ATP13A4: variants seen among roughly 807,000 people sequenced by gnomAD.
ATP13A4 encodes probable cation-transporting ATPase 13A4.
ATP13A4 carries 114 observed loss-of-function variants against 142.5 expected under a neutral mutation model. That is an observed-to-expected ratio of 0.80 (90% CI 0.69 to 0.93). The LOEUF (loss-of-function observed/expected upper bound fraction) is 0.93. Among genes scored for constraint, ATP13A4 ranks in the 40% least tolerant of loss-of-function variants. The pLI is 0.00. For missense variants in ATP13A4, 1,392 were observed against 1,454.0 expected, an observed-to-expected ratio of 0.96 and a Z score of 0.69; for synonymous variants, 488 against 514.8, an observed-to-expected ratio of 0.95 and a Z score of 0.70.
chr3:193,433,105 T>C (rs1264241713), intron 25 of ATP13A4, among the ~76,000 whole-genome samples: 1 of 152,206 alleles, frequency 6.6e-6, no homozygotes, highest in African/African-American at 2.4e-5. Flanking sequence ...TTGGTTGAGA[T>C]TTTCCTTTAG....
intron 11 of ATP13A4, 61 bp downstream of exon 11, chr3:193,465,964 C>G: frequency 6.3e-7 from 1 of 1,599,454 alleles, no homozygotes. Flanking sequence ...CCAACATGCA[C>G]AGTACAAAAT....
At chr3:193,564,101 A>G (rs1201617275) in intron 2 of ATP13A4, among the ~76,000 whole-genome samples, 1 of 152,250 alleles carries the variant, frequency 6.6e-6, no homozygotes, top group Non-Finnish European at 1.5e-5. Context: ...TTGCTCGAAG[A>G]GTATCAGCCT....
intron 18 of ATP13A4, among the ~76,000 whole-genome samples, chr3:193,447,578 C>T (rs929809752): frequency 1.1e-4 from 16 of 152,116 alleles, no homozygotes; most frequent in African/African-American, 3.4e-4. Flanking sequence ...TTATTCACCT[C>T]GTCTCTTTCC....
chr3:193,487,889 G>T (rs138276115), intron 7 of ATP13A4, among the ~76,000 whole-genome samples: 1 of 152,242 alleles, frequency 6.6e-6, no homozygotes, highest in East Asian at 1.9e-4. Flanking sequence ...TATCAACATT[G>T]GACTGGTTAA....
chr3:193,418,109 G>A (rs1170444825), intron 25 of ATP13A4, among the ~76,000 whole-genome samples: 53 of 87,238 alleles, frequency 6.1e-4, no homozygotes, highest in Non-Finnish European at 5.4e-4. Context: ...GCGACAGAGC[G>A]AGACTCCGTC....
rs1423658542 is a variant in ATP13A4, at chr3:193,459,212, A to C, written c.1543T>G (p.Phe515Val). 3 of 1,614,262 alleles carry C rather than the reference A, an allele frequency of 1.9e-6. No homozygotes were observed. The African/African-American group carries it at 4.0e-5, about 22-fold the overall frequency. The change falls in exon 14 of 30, where the codon TTT becomes GTT. Residue 515 changes from phenylalanine (F) to valine (V), a missense_variant. Physicochemically the swap from Phe to Val is conservative, Grantham distance 50. Coordinates refer to ENST00000342695, the MANE Select transcript of ATP13A4 (RefSeq NM_032279.4). ...DRNGFQEVHS[F>V]ASGQALPWGP... Reference sequence around the variant, plus strand: ...CATGGCAAAGCCTGGCCTGAGGCAAAGCTGTGAACTTCCTGAAAGCTTAAG... The same window carrying C: ...CATGGCAAAGCCTGGCCTGAGGCAACGCTGTGAACTTCCTGAAAGCTTAAG...
At chr3:193,410,026 T>C (rs1031270103) in intron 28 of ATP13A4, among the ~76,000 whole-genome samples, 1 of 152,230 alleles carries the variant, frequency 6.6e-6, no homozygotes, top group African/African-American at 2.4e-5. Context: ...TCTTCAATAT[T>C]GCATTTCTTG....
At chr3:193,556,657 C>G (rs1245923178), upstream of ATP13A4, among the ~76,000 whole-genome samples, 3 of 151,874 alleles carry the variant, frequency 2.0e-5, no homozygotes, top group Non-Finnish European at 4.4e-5. Context: ...TCTAGAACTA[C>G]TGATGGCTTC....
chr3:193,405,498 C>T (rs1048912269), intron 29 of ATP13A4, among the ~76,000 whole-genome samples: 1 of 152,190 alleles, frequency 6.6e-6, no homozygotes, highest in Non-Finnish European at 1.5e-5. Context: ...TTGCTGTGGC[C>T]TCTCCTTCCA....
chr3:193,574,983 G>T (rs1270980969), intron 2 of ATP13A4, among the ~76,000 whole-genome samples: 2 of 152,146 alleles, frequency 1.3e-5, no homozygotes, highest in Non-Finnish European at 2.9e-5. Context: ...GACATTTAAG[G>T]CTCAGATCTT....
intron 13 of ATP13A4, among the ~76,000 whole-genome samples, chr3:193,459,832 A>T (rs1017980274): frequency 6.6e-6 from 1 of 152,176 alleles, no homozygotes; most frequent in Admixed American, 6.5e-5. Flanking sequence ...CTCATTTTAG[A>T]TAAGAACATA....
chr3:193,437,840 T>TG (rs1319452026), intron 23 of ATP13A4, among the ~76,000 whole-genome samples: 3 of 148,170 alleles, frequency 2.0e-5, no homozygotes, highest in African/African-American at 7.5e-5. Flanking sequence ...TTTTTTTTTT[T>TG]TTTTTTTTTG....
chr3:193,497,022 G>A (rs893622929), intron 3 of ATP13A4, among the ~76,000 whole-genome samples: 1 of 151,902 alleles, frequency 6.6e-6, no homozygotes, highest in African/African-American at 2.4e-5. Context: ...GGATTTTTTG[G>A]ATAAGACCCA....
intron 24 of ATP13A4, 49 bp downstream of exon 24, chr3:193,435,599 C>T (rs1193584803): frequency 7.0e-7 from 1 of 1,438,312 alleles, no homozygotes; most frequent in Non-Finnish European, 9.8e-7. Context: ...GAGTGCACCG[C>T]TACTTGTTTT....
intron 2 of ATP13A4, among the ~76,000 whole-genome samples, chr3:193,580,351 A>G (rs1183176082): frequency 6.6e-6 from 1 of 152,186 alleles, no homozygotes; most frequent in Non-Finnish European, 1.5e-5. Flanking sequence ...GTAGCAGGAT[A>G]TAGCCTCAAC....
chr3:193,584,756 G>T (rs1237595570), intron 1 of ATP13A4, among the ~76,000 whole-genome samples: 1 of 151,990 alleles, frequency 6.6e-6, no homozygotes, highest in African/African-American at 2.4e-5. Flanking sequence ...TGTGATTCTT[G>T]CTTCATCTAA....
chr3:193,560,392 T>C (rs564041928), intron 2 of ATP13A4, among the ~76,000 whole-genome samples: 1 of 152,094 alleles, frequency 6.6e-6, no homozygotes, highest in South Asian at 2.1e-4. Flanking sequence ...TTCTTGTTTT[T>C]TGTAAAGACA....
intron 8 of ATP13A4, 112 bp downstream of exon 8, chr3:193,483,824 T>A: frequency 1.0e-6 from 1 of 993,736 alleles, no homozygotes; most frequent in Non-Finnish European, 1.6e-6. Flanking sequence ...AACAAATGCC[T>A]AAGGAGAAAT....
At chr3:193,557,222 A>G (rs2108734507), upstream of ATP13A4, among the ~76,000 whole-genome samples, 1 of 152,360 alleles carries the variant, frequency 6.6e-6, no homozygotes, top group East Asian at 1.9e-4. Flanking sequence ...TTTTATAAAA[A>G]TCAGATGTCC....
Sources: gnomAD v4.1 joint callset for allele counts (sites outside exome capture counted in the v4.1 genomes callset) on GRCh38, gnomAD v4.1.1 for gene constraint, MANE v1.5 for transcripts, NCBI Gene and HGNC (gene_info 2026-07-23, HGNC 2026-07-21) for gene names.